The following OTUD7A variants were observed in gnomAD, a reference collection of about 807,000 sequenced individuals.
OTUD7A encodes OTU domain-containing protein 7A.
In OTUD7A, 12 loss-of-function variants were observed where a neutral mutation model predicts 65.7. That is an observed-to-expected ratio of 0.18 (90% confidence interval 0.12 to 0.30). OTUD7A has a LOEUF of 0.30. OTUD7A is among the 10% of genes least tolerant of loss of function. OTUD7A has a pLI of 1.00. For missense variants in OTUD7A, 1,148 were observed against 1,304.8 expected (o/e 0.88, Z 1.85); for synonymous variants, 641 against 586.3 (o/e 1.09, Z -1.35).
At chr15:31,818,701 G>A (rs770389936) in intron 1 of OTUD7A, among the ~76,000 whole-genome samples, 2 of 152,204 alleles carry the variant, frequency 1.3e-5, no homozygotes, top group Non-Finnish European at 2.9e-5. Flanking sequence ...GATGGACAAC[G>A]GATGGTAGTA....
chr15:31,487,461 C>T lies in OTUD7A; in HGVS notation c.1277G>A (p.Arg426Gln), dbSNP rs149266036. 85 of 1,613,812 alleles carry T rather than the reference C, an allele frequency of 5.3e-5. No individual in the cohort carries two copies. In the East Asian group the frequency reaches 1.3e-3, roughly 25 times the overall value. Residue 426 changes from arginine (R) to glutamine (Q), a missense_variant, in exon 11 of 13, where the codon CGG becomes CAG. By Grantham distance (43) the Arg-to-Gln change is conservative. Transcript: ENST00000307050. This position sits in a 1 kb window ranked among gnomAD's most constrained non-coding sequence, Gnocchi z 6.0. ...EWGKDDNDNARLAHLILSLEA... is the reference protein window; with the variant it reads ...EWGKDDNDNAQLAHLILSLEA... ...CAGAGTAGGATCTTACTGGGCCAGC[C>T]GGGCGTTATCGTTGTCGTCTTTCCC...
intron 8 of OTUD7A, among the ~76,000 whole-genome samples, chr15:31,512,574 G>A (rs575894280): frequency 2.0e-5 from 3 of 152,164 alleles, no homozygotes; most frequent in South Asian, 4.1e-4. Flanking sequence ...CCTTACTGAT[G>A]TGTCTGGTTT....
intron 5 of OTUD7A, 110 bp downstream of exon 5, chr15:31,558,859 C>A: frequency 8.2e-7 from 1 of 1,224,716 alleles, no homozygotes. Context: ...TAACTGAAAA[C>A]TGCCCAGAGT....
At chr15:31,570,442 T>TACAC (rs57517466) in intron 3 of OTUD7A, among the ~76,000 whole-genome samples, 7,830 of 143,154 alleles carry the variant, frequency 0.055, 227 homozygotes, top group Non-Finnish European at 0.071. Flanking sequence ...TTTAGGTTCA[T>TACAC]ACACACACAC....
chr15:31,515,247 G>A (rs2041826076), intron 8 of OTUD7A, among the ~76,000 whole-genome samples: 1 of 152,134 alleles, frequency 6.6e-6, no homozygotes, highest in Non-Finnish European at 1.5e-5. Flanking sequence ...TGAGAAGCGG[G>A]CAGAGCAAGG....
chr15:31,852,039 A>T (rs1388951247), intron 1 of OTUD7A, among the ~76,000 whole-genome samples: 2 of 152,156 alleles, frequency 1.3e-5, no homozygotes, highest in Non-Finnish European at 2.9e-5. Context: ...TTGTAATTTT[A>T]GTAGAGACGG....
chr15:31,853,878 C>T (rs1815603431), intron 1 of OTUD7A, among the ~76,000 whole-genome samples: 1 of 152,130 alleles, frequency 6.6e-6, no homozygotes, highest in Non-Finnish European at 1.5e-5. Context: ...CACAAAGCAA[C>T]CAGCATGGGA....
chr15:31,578,652 A>C (rs1889278476), intron 3 of OTUD7A, among the ~76,000 whole-genome samples: 1 of 152,100 alleles, frequency 6.6e-6, no homozygotes, highest in Non-Finnish European at 1.5e-5. Flanking sequence ...CCCAGGTTCA[A>C]GCAATTCTCC....
At chr15:31,839,714 A>G (rs8027550) in intron 1 of OTUD7A, among the ~76,000 whole-genome samples, 142,391 of 152,172 alleles carry the variant, frequency 0.94, 67,343 homozygotes, top group East Asian at 1. Flanking sequence ...GAGGGGATTC[A>G]GACAAGCTCT....
intron 1 of OTUD7A, among the ~76,000 whole-genome samples, chr15:31,860,905 G>C (rs1417436494): frequency 7.7e-6 from 1 of 129,470 alleles, no homozygotes; most frequent in African/African-American, 2.9e-5. Flanking sequence ...ATTTTTAGTA[G>C]AGACGGGGTT....
In OTUD7A at chr15:31,703,520, G is replaced by A. The variant is rs370608527; in HGVS notation, c.-99-46443C>T. 6.5e-4 allele frequency among the ~76,000 whole-genome samples: 99 copies of A among 152,028 alleles called. No homozygotes were observed. In the East Asian group the frequency reaches 0.018, roughly 27 times the overall value. ...AAGGAAATGCAAATTAAAACACAAT[G>A]AGTTATCATTACACATCTATCAGAA... On this transcript the variant is annotated intron_variant, in intron 1 of 12. Coordinates refer to ENST00000307050, the MANE Select transcript of OTUD7A (RefSeq NM_001382637.1).
At chr15:31,862,971 A>C (rs1443832172) in intron 1 of OTUD7A, among the ~76,000 whole-genome samples, 1 of 152,220 alleles carries the variant, frequency 6.6e-6, no homozygotes, top group Non-Finnish European at 1.5e-5. Context: ...GGTATTTGGT[A>C]ATACAGCCAT....
chr15:31,824,402 C>A (rs1896753463), intron 1 of OTUD7A, among the ~76,000 whole-genome samples: 1 of 152,150 alleles, frequency 6.6e-6, no homozygotes, highest in African/African-American at 2.4e-5. Flanking sequence ...ACACACTGAG[C>A]ATTCGGCAAG....
chr15:31,808,409 C>T (rs938567021), intron 1 of OTUD7A, among the ~76,000 whole-genome samples: 8 of 152,246 alleles, frequency 5.3e-5, no homozygotes, highest in African/African-American at 1.4e-4. Context: ...AGAGCATGAG[C>T]CGCGACAAGC....
chr15:31,816,947 G>A (rs539412357), intron 1 of OTUD7A, among the ~76,000 whole-genome samples: 1 of 152,264 alleles, frequency 6.6e-6, no homozygotes, highest in Admixed American at 6.5e-5. Flanking sequence ...ATTAAGAAAG[G>A]CAAACTAATA....
intron 1 of OTUD7A, among the ~76,000 whole-genome samples, chr15:31,814,116 G>A (rs151218069): frequency 3.3e-5 from 5 of 152,322 alleles, no homozygotes; most frequent in East Asian, 1.9e-4. Context: ...TATTTCTCAC[G>A]CATGCTAATT....
intron 1 of OTUD7A, among the ~76,000 whole-genome samples, chr15:31,681,331 C>G (rs916375409): frequency 1.8e-4 from 28 of 151,748 alleles, no homozygotes; most frequent in Non-Finnish European, 1.5e-5. Flanking sequence ...ACCCACCCAG[C>G]CACCCACCTA....
chr15:31,580,202 C>A (rs1332412722), intron 3 of OTUD7A, among the ~76,000 whole-genome samples: 1 of 152,022 alleles, frequency 6.6e-6, no homozygotes, highest in Admixed American at 6.6e-5. Flanking sequence ...GTACTGAGGT[C>A]ATTAAGTGTG....
rs150604501 is a variant in OTUD7A at position 31,660,916 on chromosome 15, T to C, written c.-99-3839A>G. Among the ~76,000 whole-genome samples the C allele has an allele frequency of 2.0e-5, 3 of 152,358 alleles. No homozygotes were observed. The South Asian group carries it at 6.2e-4, about 32-fold the overall frequency. On this transcript the variant is annotated intron_variant, in intron 1 of 12. Transcript: ENST00000307050. ...GTGGGCAGTGCTGGGACACACCACT[T>C]GTACCTGAGGCTCGGAGAAGGCACA...
Sources: gnomAD v4.1 joint callset for allele counts (sites outside exome capture counted in the v4.1 genomes callset) on GRCh38, gnomAD v4.1.1 for gene constraint, Gnocchi (gnomAD v3.1) non-coding constraint, MANE v1.5 for transcripts, NCBI Gene and HGNC (gene_info 2026-07-23, HGNC 2026-07-21) for gene names.